The following GPR19 variants were observed in gnomAD, a reference collection of about 807,000 sequenced individuals.
GPR19 encodes probable G protein-coupled receptor 19.
Under a neutral mutation model 28.5 loss-of-function variants are expected in GPR19, and 14 were observed. The ratio of observed to expected loss-of-function variants is 0.49; its 90% CI spans 0.32 to 0.77. GPR19 has a LOEUF of 0.77. Among genes scored for constraint, GPR19 ranks in the 30% least tolerant of loss-of-function variants. GPR19 has a pLI of 0.03. For missense variants in GPR19, 409 were observed against 504.1 expected (o/e 0.81, Z 1.81); for synonymous variants, 173 against 184.1 (o/e 0.94, Z 0.49).
chr12:12,677,568 C>T (rs950189071), intron 3 of GPR19, among the ~76,000 whole-genome samples: 9 of 152,012 alleles, frequency 5.9e-5, no homozygotes, highest in Non-Finnish European at 1.3e-4. Flanking sequence ...TGAGCCACTG[C>T]GCCTGGCCAC....
At chr12:12,697,289 T>G (rs542009291), upstream of GPR19, among the ~76,000 whole-genome samples, 31 of 151,938 alleles carry the variant, frequency 2.0e-4, no homozygotes, top group Non-Finnish European at 1.8e-4. Context: ...CAAAGTCAGT[T>G]TCAGGTGGCT....
rs140268188 is a variant in GPR19 at position 12,683,345 on chromosome 12, G to A, written c.-23+1006C>T. Among the ~76,000 whole-genome samples the A allele has an allele frequency of 4.0e-4, 61 of 152,288 alleles. No homozygotes were observed. In the East Asian group the frequency reaches 5.8e-3, roughly 14 times the overall value. ...CAAGCTGATTCAATCTTCTAGTAGC[G>A]TCAGCTGAACAAAATTTGAAGCCAA... On this transcript the variant is annotated intron_variant, in intron 3 of 3. Transcript: ENST00000651487.
At chr12:12,681,713 C>T (rs892153018) in intron 3 of GPR19, among the ~76,000 whole-genome samples, 1 of 152,194 alleles carries the variant, frequency 6.6e-6, no homozygotes, top group African/African-American at 2.4e-5. Context: ...TGGTAGAATT[C>T]AAGGACACAC....
At chr12:12,703,054 G>A in the GPR19 span, among the ~76,000 whole-genome samples, 576 of 152,296 alleles carry the variant, frequency 3.8e-3, 23 homozygotes, top group East Asian at 0.093. Flanking sequence ...AGAGCTAGGA[G>A]CCCCACAAAA....
Position 12,661,463 on chromosome 12 carries a change from A to G in GPR19, c.986T>C (p.Leu329Pro). The G allele has an allele frequency of 6.2e-7, 1 of 1,613,846 alleles. No homozygotes were observed. The highest frequency in any genetic ancestry group is 8.5e-7 in the Non-Finnish European group (1 of 1,179,706). The change falls in exon 4 of 4, where the codon CTG (leucine) becomes CCG (proline). Residue 329 changes from leucine to proline, a missense_variant. By Grantham distance (98) the Leu-to-Pro change is moderately conservative. Transcript: ENST00000651487. This position sits in a 1 kb window ranked among gnomAD's most constrained non-coding sequence, Gnocchi z 4.2. ...AAAATTGGCATTATAAATTGAATAC[A>G]GAGTAGGTTTAGAGGCTGAAGAACT... ...SFSSSASKPT[L>P]YSIYNANFRR... is the part of the protein sequence containing the mutation.
the GPR19 span, among the ~76,000 whole-genome samples, chr12:12,704,152 T>G: frequency 0.021 from 3,257 of 152,328 alleles, 47 homozygotes; most frequent in Middle Eastern, 0.037. Flanking sequence ...TCTTTTGTTC[T>G]ACTTCACTTG....
chr12:12,689,350 T>C (rs1379214824), intron 2 of GPR19, among the ~76,000 whole-genome samples: 1 of 152,136 alleles, frequency 6.6e-6, no homozygotes, highest in Non-Finnish European at 1.5e-5. Context: ...TGAAAGTACC[T>C]CAGTGCATAC....
chr12:12,712,140 G>A, the GPR19 span, among the ~76,000 whole-genome samples: 1 of 152,182 alleles, frequency 6.6e-6, no homozygotes, highest in African/African-American at 2.4e-5. Context: ...ACACCTTTGC[G>A]GCTCAGGAGA....
At chr12:12,665,635 G>C (rs1862015) in intron 3 of GPR19, among the ~76,000 whole-genome samples, 2 of 151,828 alleles carry the variant, frequency 1.3e-5, no homozygotes, top group Non-Finnish European at 2.9e-5. Flanking sequence ...TCAGGAGATC[G>C]AGACCATCCT....
Position 12,661,214 on chromosome 12 carries a change from T to A in GPR19, c.1235A>T (p.Asn412Ile), listed in dbSNP as rs1259269375. The part of the protein sequence containing the change: ...LAWPINSNPP[N>I]TFV ...AAGAATGAGAACTTAGACAAAAGTATTTGGTGGATTTGAGTTAATGGGCCA... is the reference window on the plus strand; with the variant it reads ...AAGAATGAGAACTTAGACAAAAGTAATTGGTGGATTTGAGTTAATGGGCCA... Residue 412 changes from asparagine to isoleucine, a missense_variant, in exon 4 of 4, where the codon AAT becomes ATT. Transcript: ENST00000651487. The surrounding 1 kb of genome is among the most constrained non-coding windows in gnomAD (Gnocchi z 4.2). The A allele has an allele frequency of 1.2e-6, 2 of 1,603,736 alleles. No homozygotes were observed. The highest frequency in any genetic ancestry group is 1.7e-6 in the Non-Finnish European group (2 of 1,175,256).
At chr12:12,716,888 C>G in the GPR19 span, 6 of 984,760 alleles carry the variant, frequency 6.1e-6, no homozygotes, top group Non-Finnish European at 7.2e-6. Flanking sequence ...CCCCCGCAGA[C>G]CACGAGGTGG....
intron 3 of GPR19, among the ~76,000 whole-genome samples, chr12:12,664,081 C>A (rs886850427): frequency 6.6e-6 from 1 of 152,156 alleles, no homozygotes; most frequent in Non-Finnish European, 1.5e-5. Flanking sequence ...GCAACCTCCC[C>A]CTCCCAGGTT....
the GPR19 span, among the ~76,000 whole-genome samples, chr12:12,703,960 A>G: frequency 6.6e-6 from 1 of 152,198 alleles, no homozygotes; most frequent in Non-Finnish European, 1.5e-5. Context: ...AAGATTAAAG[A>G]CTAAATAGAT....
the GPR19 span, chr12:12,716,951 G>C: frequency 1.0e-6 from 1 of 985,322 alleles, no homozygotes; most frequent in Non-Finnish European, 1.2e-6. Context: ...GGCTCCTAGC[G>C]AGCTGCCGGC....
intron 3 of GPR19, among the ~76,000 whole-genome samples, chr12:12,664,919 CAAAAAAAAA>C (rs746346681): frequency 4.2e-4 from 13 of 31,108 alleles, no homozygotes; most frequent in Admixed American, 1.7e-3. Context: ...GACGCCATCT[CAAAAAAAAA>C]AAAAAAAAAA....
intron 3 of GPR19, among the ~76,000 whole-genome samples, chr12:12,663,584 A>G (rs1945714455): frequency 6.6e-6 from 1 of 152,222 alleles, no homozygotes. Context: ...TTAAATAGGC[A>G]AAAAGATTAA....
At chr12:12,682,315 A>G (rs781159343) in intron 3 of GPR19, among the ~76,000 whole-genome samples, 1 of 152,238 alleles carries the variant, frequency 6.6e-6, no homozygotes, top group African/African-American at 2.4e-5. Flanking sequence ...GCCTAACTAT[A>G]TAAACTTCAG....
the GPR19 span, chr12:12,716,899 G>A: frequency 1.0e-6 from 1 of 984,836 alleles, no homozygotes; most frequent in African/African-American, 1.7e-5. Flanking sequence ...CACGAGGTGG[G>A]GGCCGCTGGG....
chr12:12,672,475 G>A (rs1435723645), intron 3 of GPR19, among the ~76,000 whole-genome samples: 1 of 152,078 alleles, frequency 6.6e-6, no homozygotes, highest in Non-Finnish European at 1.5e-5. Context: ...GGCTGGGTGT[G>A]GTGACTCATG....
Sources: allele counts gnomAD v4.1 joint callset (sites outside exome capture counted in the v4.1 genomes callset), GRCh38; gene constraint gnomAD v4.1.1; non-coding constraint Gnocchi (gnomAD v3.1); transcripts MANE v1.5; gene names NCBI Gene and HGNC (gene_info 2026-07-23, HGNC 2026-07-21).